Variants in STRIP2 observed in about 807,000 individuals in gnomAD.
STRIP2 encodes striatin-interacting protein 2.
STRIP2 carries 84 observed loss-of-function variants against 107.1 expected under a neutral mutation model. That is an observed-to-expected ratio of 0.78 (90% confidence interval 0.66 to 0.94). The LOEUF (loss-of-function observed/expected upper bound fraction) is 0.94. STRIP2 is among the 40% of genes least tolerant of loss of function. The pLI, the probability that STRIP2 is intolerant of heterozygous loss-of-function variation, is 0.00. For missense variants in STRIP2, 888 were observed against 1,034.2 expected (o/e 0.86, Z 1.94); for synonymous variants, 394 against 400.4 (o/e 0.98, Z 0.19).
chr7:129,485,913 T>A lies in STRIP2; in HGVS notation c.*84T>A. On this transcript the variant is annotated 3_prime_UTR_variant, in exon 21 of 21. Coordinates refer to ENST00000249344, the MANE Select transcript of STRIP2 (RefSeq NM_020704.3). ...GCCTACCCTGTCCATACAGGCGCTGTTACCAGTTCAGGGCTCTTCTGGGGG... is the reference window on the plus strand; with the variant it reads ...GCCTACCCTGTCCATACAGGCGCTGATACCAGTTCAGGGCTCTTCTGGGGG... The A allele has an allele frequency of 1.3e-6, 2 of 1,503,862 alleles. No individual in the cohort carries two copies. The highest frequency in any genetic ancestry group is 4.5e-5 in the East Asian group (2 of 44,074). The allele number at this position is 1,503,862 out of a possible 1,614,324, so 93.2% of individuals were successfully genotyped here. A position where few individuals can be genotyped will look rare whatever the true frequency, so the allele number is the denominator to read the frequency against.
rs757400568 is a variant in STRIP2, at chr7:129,454,136, T to G, written c.531-6T>G. ...CATTCCTGTTCTTTTTCTCCTCCCC[T>G]GGCAGCAACAGCCAGGCCTGTAGCA... On this transcript the variant is annotated splice_polypyrimidine_tract_variant and splice_region_variant and intron_variant, in intron 5 of 20. Coordinates refer to ENST00000249344, the MANE Select transcript of STRIP2 (RefSeq NM_020704.3). 4 of 1,613,890 alleles carry G rather than the reference T, an allele frequency of 2.5e-6. No individual in the cohort carries two copies. The East Asian group carries it at 8.9e-5, about 36-fold the overall frequency.
intron 1 of STRIP2, among the ~76,000 whole-genome samples, chr7:129,435,276 T>C (rs538125370): frequency 2.6e-4 from 39 of 152,316 alleles, no homozygotes; most frequent in Admixed American, 1.2e-3. Context: ...TTCGATCTCT[T>C]CCTCCTCTCC....
intron 18 of STRIP2, among the ~76,000 whole-genome samples, chr7:129,475,341 T>A (rs967573153): frequency 6.6e-6 from 1 of 151,764 alleles, no homozygotes; most frequent in African/African-American, 2.4e-5. Context: ...TTTATTTTTT[T>A]ATTTTTTATT....
At chr7:129,467,962 G>T (rs1798710160) in intron 17 of STRIP2, among the ~76,000 whole-genome samples, 2 of 152,098 alleles carry the variant, frequency 1.3e-5, no homozygotes, top group Admixed American at 6.6e-5. Context: ...GCTAAGAGTT[G>T]TTATAAGTTT....
chr7:129,457,456 A>G (rs1798397072), intron 9 of STRIP2, among the ~76,000 whole-genome samples: 1 of 152,212 alleles, frequency 6.6e-6, no homozygotes, highest in Non-Finnish European at 1.5e-5. Context: ...GCAGCACATG[A>G]CTATAGTCTG....
intron 16 of STRIP2, among the ~76,000 whole-genome samples, chr7:129,465,533 T>G (rs1798650435): frequency 6.6e-6 from 1 of 152,188 alleles, no homozygotes; most frequent in Non-Finnish European, 1.5e-5. Flanking sequence ...ATAATCTATA[T>G]GCTAACACAC....
At chr7:129,442,370 C>A (rs1398695126) in intron 2 of STRIP2, among the ~76,000 whole-genome samples, 1 of 151,996 alleles carries the variant, frequency 6.6e-6, no homozygotes, top group Non-Finnish European at 1.5e-5. Flanking sequence ...GTGCATATAG[C>A]AAAAGTAGAA....
At chr7:129,447,590 A>G (rs1323633831) in intron 3 of STRIP2, among the ~76,000 whole-genome samples, 1 of 152,242 alleles carries the variant, frequency 6.6e-6, no homozygotes, top group East Asian at 1.9e-4. Flanking sequence ...TCCGAATAAG[A>G]TTATGACTCA....
At chr7:129,438,013 G>A (rs1243340528) in intron 1 of STRIP2, among the ~76,000 whole-genome samples, 3 of 152,156 alleles carry the variant, frequency 2.0e-5, no homozygotes, top group African/African-American at 7.2e-5. Context: ...CACCGTGTTA[G>A]CCAGGATGGT....
At chr7:129,455,061 C>T (rs1346707474) in intron 7 of STRIP2, among the ~76,000 whole-genome samples, 183 bp from the exon 8 acceptor site, 4 of 152,230 alleles carry the variant, frequency 2.6e-5, no homozygotes, top group Admixed American at 6.5e-5. Flanking sequence ...AATTCCATGG[C>T]GTCCCTTCCT....
chr7:129,481,436 T>G (rs1799113301), intron 19 of STRIP2, among the ~76,000 whole-genome samples: 1 of 151,472 alleles, frequency 6.6e-6, no homozygotes, highest in African/African-American at 2.4e-5. Flanking sequence ...GGCAGAGGTT[T>G]CAGTGAGCCG....
At position 129,467,444 on chromosome 7, in the gene STRIP2, A is replaced by G. The variant is rs1798697121; in HGVS notation, c.1871A>G (p.Lys624Arg). Residue 624 changes from lysine to arginine, a missense_variant, in exon 17 of 21, where the codon AAA (lysine) becomes AGA (arginine). Lys to Arg is a conservative substitution (Grantham distance 26, BLOSUM62 2). Coordinates refer to ENST00000249344, the MANE Select transcript of STRIP2 (RefSeq NM_020704.3). ...NQNILSYITA[K>R]NSISVLDYPC... ...AATATCTTGTCATACATCACTGCCA[A>G]AAACAGGTATGAACTCTGGACAGGT... The G allele has an allele frequency of 6.2e-7, 1 of 1,611,858 alleles. No individual in the cohort carries two copies. The highest frequency in any genetic ancestry group is 1.3e-5 in the African/African-American group (1 of 74,868).
intron 9 of STRIP2, among the ~76,000 whole-genome samples, chr7:129,457,577 A>G (rs1224636244): frequency 6.6e-6 from 1 of 152,252 alleles, no homozygotes; most frequent in African/African-American, 2.4e-5. Context: ...AGTAGTGCTC[A>G]GTAATCCAGT....
chr7:129,443,067 T>G (rs1442227786), intron 2 of STRIP2, among the ~76,000 whole-genome samples: 1 of 148,696 alleles, frequency 6.7e-6, no homozygotes, highest in African/African-American at 2.5e-5. Flanking sequence ...AGAGACAGAG[T>G]CTTATTCTGT....
chr7:129,434,630 G>C, intron 1 of STRIP2, 29 bp downstream of exon 1: 1 of 1,442,740 alleles, frequency 6.9e-7, no homozygotes, highest in Non-Finnish European at 9.1e-7. Context: ...TTCGGCTGGG[G>C]CCCGGAGACG....
At chr7:129,476,619 C>T (rs1051936970) in intron 18 of STRIP2, among the ~76,000 whole-genome samples, 1 of 151,112 alleles carries the variant, frequency 6.6e-6, no homozygotes, top group African/African-American at 2.4e-5. Context: ...TCACGATGGG[C>T]GGCCGGGCAG....
chr7:129,482,349 CTCTCTCTA>C (rs1253515608), intron 19 of STRIP2, among the ~76,000 whole-genome samples: 5 of 65,010 alleles, frequency 7.7e-5, no homozygotes, highest in Non-Finnish European at 1.4e-4. Context: ...CTCTCTCTCT[CTCTCTCTA>C]TATATATATA....
chr7:129,483,818 C>T lies in STRIP2; in HGVS notation c.2254+772C>T, dbSNP rs1799184699. On this transcript the variant is annotated intron_variant, in intron 20 of 20. Coordinates refer to ENST00000249344, the MANE Select transcript of STRIP2 (RefSeq NM_020704.3). The surrounding 1 kb of genome is among the most constrained non-coding windows in gnomAD (Gnocchi z 5.1). ...GGAAAGCAGTGACATGATAATGGCT[C>T]ACTGCAGCCTCGACTTCCTGGGCTC... is the stretch of plus-strand genomic sequence containing the variant. Among the ~76,000 whole-genome samples, 1 of 152,108 alleles carries T rather than the reference C, an allele frequency of 6.6e-6. No individual in the cohort carries two copies. Among genetic ancestry groups the T allele is most frequent in the Admixed American group, 6.6e-5 (1 of 15,260 alleles).
Position 129,486,244 on chromosome 7 carries a change from T to TG in STRIP2, c.*415_*416insG, listed in dbSNP as rs1378714202. 1 of 158,476 alleles carries TG rather than the reference T, an allele frequency of 6.3e-6. No individual in the cohort carries two copies. Among genetic ancestry groups the TG allele is most frequent in the Non-Finnish European group, 1.4e-5 (1 of 71,652 alleles). The allele number at this position is 158,476 out of a possible 1,614,324, so 9.8% of individuals were successfully genotyped here. A position where few individuals can be genotyped will look rare whatever the true frequency, so the allele number is the denominator to read the frequency against. ...TTGCTCACACTGGATTCCTAGGACTTATCAGAGATTTGGAAAAACCAACTT... is the reference window on the plus strand; with the variant it reads ...TTGCTCACACTGGATTCCTAGGACTTGATCAGAGATTTGGAAAAACCAACTT... On this transcript the variant is annotated 3_prime_UTR_variant, in exon 21 of 21. Transcript: ENST00000249344.
Sources: gnomAD v4.1 joint callset for allele counts (sites outside exome capture counted in the v4.1 genomes callset) on GRCh38, gnomAD v4.1.1 for gene constraint, Gnocchi (gnomAD v3.1) non-coding constraint, MANE v1.5 for transcripts, NCBI Gene and HGNC (gene_info 2026-07-23, HGNC 2026-07-21) for gene names.